PLOD3: variants seen among roughly 807,000 people sequenced by gnomAD.
The protein encoded by PLOD3 is procollagen-lysine,2-oxoglutarate 5-dioxygenase 3, also known as multifunctional procollagen lysine hydroxylase and glycosyltransferase LH3.
In PLOD3, 73 loss-of-function variants were observed where a neutral mutation model predicts 96.9. The observed-to-expected ratio is 0.75, with a 90% CI of 0.62 to 0.92. The LOEUF is 0.92. Ranked by LOEUF, PLOD3 falls within the 40% of genes least tolerant of loss-of-function variation. The pLI, the probability that PLOD3 is intolerant of heterozygous loss-of-function variation, is 0.00. For missense variants in PLOD3, 1,004 were observed against 1,004.3 expected (o/e 1.00, Z 0.00); for synonymous variants, 454 against 413.7 (o/e 1.10, Z -1.18).
At chr7:101,212,182 G>C (rs1798193538) in intron 10 of PLOD3, 71 bp downstream of exon 10, 1 of 1,584,010 alleles carries the variant, frequency 6.3e-7, no homozygotes, top group African/African-American at 1.3e-5. Context: ...GCAAGGGCCA[G>C]GCAGCAGGTG....
rs1253948854 is a variant in PLOD3 at position 101,215,919 on chromosome 7, G to C, written c.604C>G (p.Pro202Ala). Residue 202 changes from proline (P) to alanine (A), a missense_variant, in exon 5 of 19, where the codon CCA becomes GCA. Pro to Ala is a conservative substitution (Grantham distance 27). This residue lies in a region of PLOD3 where 690 missense variants were observed against 650.2 expected (regional missense o/e 1.06). Transcript: ENST00000223127. ...QLFYTRLYLDPGLREKLSLNL... is the reference protein window; with the variant it reads ...QLFYTRLYLDAGLREKLSLNL... ...TCTGCCTTCCCTACCCTCAGTCCTG[G>C]GTCCAGGTAGAGCCGTGTGTAGAAC... The C allele has an allele frequency of 3.1e-6, 5 of 1,610,256 alleles. No homozygotes were observed. The highest frequency in any genetic ancestry group is 4.2e-6 in the Non-Finnish European group (5 of 1,176,654).
Position 101,206,359 on chromosome 7 carries a change from G to A in PLOD3, c.2139C>T (p.Gly713=). The A allele has an allele frequency of 6.2e-7, 1 of 1,613,816 alleles. No individual in the cohort carries two copies. Among genetic ancestry groups the A allele is most frequent in the Non-Finnish European group, 8.5e-7 (1 of 1,179,780 alleles). Residue 713 remains glycine (G), a synonymous_variant, in exon 19 of 19, where the codon GGC becomes GGT. Coordinates refer to ENST00000223127, the MANE Select transcript of PLOD3 (RefSeq NM_001084.5). ...PRKGWALLHP[G]RLTHYHEGLP... is the part of the protein sequence containing the mutation. ...GCCCCTCGTGGTAGTGGGTGAGGCG[G>A]CCGGGGTGCAGGAGTGCCCAGCCCT...
Position 101,217,579 on chromosome 7 carries a change from T to G in PLOD3, c.-305A>C. The G allele has an allele frequency of 4.5e-6, 2 of 444,068 alleles. No individual in the cohort carries two copies. The highest frequency in any genetic ancestry group is 8.1e-6 in the Non-Finnish European group (2 of 248,042). 27.5% of individuals were successfully genotyped at this position (444,068 alleles called of 1,614,324 possible). ...TGGGCTGAGCCAGCCGCTTGACACA[T>G]GTGGAAGCTGAAACCTGGACAGGGG... On this transcript the variant is annotated 5_prime_UTR_variant, in exon 1 of 19. It removes an upstream start codon present in the reference 5' UTR. Coordinates refer to ENST00000223127, the MANE Select transcript of PLOD3 (RefSeq NM_001084.5).
In PLOD3 at chr7:101,206,148, T is replaced by C. The variant is rs1257670651; in HGVS notation, c.*133A>G. 1 of 964,610 alleles carries C rather than the reference T, an allele frequency of 1.0e-6. No homozygotes were observed. The highest frequency in any genetic ancestry group is 1.7e-6 in the Non-Finnish European group (1 of 593,926). The allele number at this position is 964,610 out of a possible 1,614,324, so 59.8% of individuals were successfully genotyped here. A position where few individuals can be genotyped will look rare whatever the true frequency, so the allele number is the denominator to read the frequency against. On this transcript the variant is annotated 3_prime_UTR_variant, in exon 19 of 19. Coordinates refer to ENST00000223127, the MANE Select transcript of PLOD3 (RefSeq NM_001084.5). Reference sequence around the variant, plus strand: ...CGTGTCTTGGGAGCAAGGTGACATATTCAGTTCAGGCACGCGGAACATGAA... The same window carrying C: ...CGTGTCTTGGGAGCAAGGTGACATACTCAGTTCAGGCACGCGGAACATGAA...
Position 101,216,565 on chromosome 7 carries a change from C to T in PLOD3, c.202-19G>A. 1.2e-6 allele frequency: 2 copies of T among 1,613,904 alleles called. No homozygotes were observed. The highest frequency in any genetic ancestry group is 8.5e-7 in the Non-Finnish European group (1 of 1,179,946). On this transcript the variant is annotated intron_variant, in intron 2 of 18. Coordinates refer to ENST00000223127, the MANE Select transcript of PLOD3 (RefSeq NM_001084.5). ...CCAGGGTCTGTGGAGAAGATTGCCC[C>T]GTGCCAGGCAAGGGGTGGGGAGTTG...
rs763646130 is a variant in PLOD3, at chr7:101,210,664, C to A, written c.1368G>T (p.Trp456Cys). The part of the protein sequence containing the change: ...ELVQRKRVGV[W>C]NVPYISQAYV... The stretch of plus-strand genomic sequence containing the variant: ...AGGCCTGGGAGATGTATGGTACATT[C>A]CACACACCCCTGGAGGCACCGACAC... Residue 456 changes from tryptophan (W) to cysteine (C), a missense_variant, in exon 13 of 19, where the codon TGG becomes TGT. Physicochemically the swap from Trp to Cys is radical, Grantham distance 215. Transcript: ENST00000223127. 2.5e-6 allele frequency: 4 copies of A among 1,613,888 alleles called. No homozygotes were observed. The highest frequency in any genetic ancestry group is 3.4e-6 in the Non-Finnish European group (4 of 1,180,026).
intron 8 of PLOD3, 93 bp from the exon 9 acceptor site, chr7:101,212,748 G>A (rs960633066): frequency 6.9e-6 from 11 of 1,587,408 alleles, no homozygotes; most frequent in African/African-American, 4.0e-5. Flanking sequence ...AGGGACCCAG[G>A]AGCGATGCCC....
In PLOD3 at chr7:101,217,365, G is replaced by A. The variant is rs1433545739; in HGVS notation, c.-91C>T. On this transcript the variant is annotated 5_prime_UTR_variant, in exon 1 of 19. Transcript: ENST00000223127. ...TCCGGAGGGGAGCTCTGGAAAGGGG[G>A]CGCTCGGGCTGCTGTGCGGCCGCCG... is the stretch of plus-strand genomic sequence containing the variant. 7.9e-7 allele frequency: 1 copy of A among 1,273,034 alleles called. No individual in the cohort carries two copies. The highest frequency in any genetic ancestry group is 2.2e-5 in the South Asian group (1 of 44,464). The allele number at this position is 1,273,034 out of a possible 1,614,324, so 78.9% of individuals were successfully genotyped here.
At position 101,211,654 on chromosome 7, in the gene PLOD3, AG is replaced by A; in HGVS notation, c.1294del (p.Leu432Ter). 6.2e-7 allele frequency: 1 copy of A among 1,606,954 alleles called. No individual in the cohort carries two copies. Among genetic ancestry groups the A allele is most frequent in the Non-Finnish European group, 8.5e-7 (1 of 1,177,310 alleles). On this transcript the variant is annotated frameshift_variant, in exon 12 of 19. Coordinates refer to ENST00000223127, the MANE Select transcript of PLOD3 (RefSeq NM_001084.5). LOFTEE classifies it high-confidence loss of function. ...GCGGGCGTAGTACTCATCGGGGCTC[AG>A]GGCGCCCCAGAAGTTGGACCACAGC... ...GKLWSNFWGA[L>X]SPDEYYARSE...
intron 18 of PLOD3, 26 bp from the exon 19 acceptor site, chr7:101,206,462 T>C (rs774362237): frequency 6.4e-7 from 1 of 1,572,366 alleles, no homozygotes; most frequent in Non-Finnish European, 8.6e-7. Context: ...AAAGGAAACA[T>C]GGAGTGAGCA....
intron 6 of PLOD3, among the ~76,000 whole-genome samples, chr7:101,214,514 T>C (rs111945529): frequency 0.074 from 11,227 of 152,240 alleles, 566 homozygotes; most frequent in Middle Eastern, 0.15. Flanking sequence ...ACAAGAAGGA[T>C]AACCAGGGAC....
chr7:101,211,749 C>A, intron 11 of PLOD3, 33 bp from the exon 12 acceptor site: 1 of 1,595,962 alleles, frequency 6.3e-7, no homozygotes, highest in South Asian at 1.1e-5. Flanking sequence ...GCTGGGCAGA[C>A]GGGAGCAGGC....
At chr7:101,210,063 G>C in intron 15 of PLOD3, 30 bp downstream of exon 15, 2 of 1,464,046 alleles carry the variant, frequency 1.4e-6, no homozygotes, top group Admixed American at 2.0e-5. Context: ...ATGAGGGCAG[G>C]GGGTGGGTGG....
Position 101,217,200 on chromosome 7 carries a change from G to A in PLOD3, c.75C>T (p.Ser25=), listed in dbSNP as rs938985348. 1 of 1,498,320 alleles carries A rather than the reference G, an allele frequency of 6.7e-7. No homozygotes were observed. Among genetic ancestry groups the A allele is most frequent in the Non-Finnish European group, 8.9e-7 (1 of 1,125,622 alleles). The allele number at this position is 1,498,320 out of a possible 1,614,324, so 92.8% of individuals were successfully genotyped here. ...CCGGGTCTCGGCCCCGGGGCCGGTC[G>A]GAGGCTGAGGCCGCAGGGGGCAGCA... ...PLLLPPAASA[S]DRPRGRDPVN... is the part of the protein sequence containing the mutation. The change falls in exon 1 of 19, where the codon TCC becomes TCT. Residue 25 remains serine (S), a synonymous_variant. Transcript: ENST00000223127.
chr7:101,215,857 CCTCCA>C, intron 5 of PLOD3, 46 bp downstream of exon 5: 1 of 1,246,632 alleles, frequency 8.0e-7, no homozygotes, highest in Non-Finnish European at 1.2e-6. Context: ...CAGCCTGAGG[CCTCCA>C]CTCCCACAGA....
chr7:101,207,652 C>T lies in PLOD3; in HGVS notation c.1861G>A (p.Asp621Asn). ...GTCCGCAGCAGCTGCAGCCACTGGTCCTCGTACCCCACCTGCTTCATGTGG... is the reference window on the plus strand; with the variant it reads ...GTCCGCAGCAGCTGCAGCCACTGGTTCTCGTACCCCACCTGCTTCATGTGG... ...DIHMKQVGYE[D>N]QWLQLLRTYV... The change falls in exon 17 of 19, where the codon GAC (aspartate) becomes AAC (asparagine). Residue 621 changes from aspartate (D) to asparagine (N), a missense_variant. Physicochemically the swap from Asp to Asn is conservative, Grantham distance 23 (BLOSUM62 1). Coordinates refer to ENST00000223127, the MANE Select transcript of PLOD3 (RefSeq NM_001084.5). 1.2e-6 allele frequency: 2 copies of T among 1,613,974 alleles called. No homozygotes were observed. Among genetic ancestry groups the T allele is most frequent in the African/African-American group, 1.3e-5 (1 of 74,996 alleles).
intron 1 of PLOD3, 130 bp from the exon 2 acceptor site, chr7:101,216,916 A>G: frequency 2.5e-6 from 2 of 792,620 alleles, no homozygotes; most frequent in Non-Finnish European, 4.3e-6. Context: ...CTCACCCAGG[A>G]ACACTCTGAC....
At position 101,213,203 on chromosome 7, in the gene PLOD3, A is replaced by T; in HGVS notation, c.681T>A (p.Asp227Glu). ...RIFQNLNGAL[D>E]EVVLKFDRNR... ...TCCGATCAAACTTTAAAACCACTTC[A>T]TCTGGGGAAGAAAAAGGCCAGGCTT... Residue 227 changes from aspartate (D) to glutamate (E), a missense_variant and splice_region_variant, in exon 7 of 19, where the codon GAT becomes GAA. By Grantham distance (45) the Asp-to-Glu change is conservative. This residue lies in a region of PLOD3 where 690 missense variants were observed against 650.2 expected (regional missense o/e 1.06). Transcript: ENST00000223127. 1 of 1,607,900 alleles carries T rather than the reference A, an allele frequency of 6.2e-7. No individual in the cohort carries two copies. The highest frequency in any genetic ancestry group is 8.5e-7 in the Non-Finnish European group (1 of 1,174,488).
intron 6 of PLOD3, among the ~76,000 whole-genome samples, chr7:101,214,501 T>C (rs1467527952): frequency 2.0e-5 from 3 of 152,172 alleles, no homozygotes; most frequent in Non-Finnish European, 2.9e-5. Context: ...TTTCCTCATC[T>C]GTACAAGAAG....
Sources: gnomAD v4.1 joint callset for allele counts (sites outside exome capture counted in the v4.1 genomes callset) on GRCh38, gnomAD v4.1.1 for gene constraint, gnomAD v4.1.1 regional missense constraint, MANE v1.5 for transcripts, NCBI Gene and HGNC (gene_info 2026-07-23, HGNC 2026-07-21) for gene names.